ARMH1: variants seen among roughly 807,000 people sequenced by gnomAD.
ARMH1 encodes the protein armadillo like helical domain containing 1, also known as armadillo-like helical domain containing protein 1.
ARMH1 carries 34 observed loss-of-function variants against 50.2 expected under a neutral mutation model. The observed-to-expected ratio is 0.68, with a 90% CI of 0.51 to 0.90. The LOEUF (loss-of-function observed/expected upper bound fraction) is 0.90, where lower values mean the gene tolerates loss of function less well. Among genes scored for constraint, ARMH1 ranks in the 40% least tolerant of loss-of-function variants. ARMH1 has a pLI of 0.00. For synonymous variants in ARMH1, 221 were observed against 224.2 expected (o/e 0.99, Z 0.13); for missense variants, 538 against 553.9 (o/e 0.97, Z 0.29).
chr1:44,714,078 C>T (rs1175876145), intron 6 of ARMH1, among the ~76,000 whole-genome samples: 2 of 151,894 alleles, frequency 1.3e-5, no homozygotes, highest in African/African-American at 4.8e-5. Context: ...GACCATCTGG[C>T]TAACACGATG....
rs988776711 is a variant in ARMH1 at position 44,725,138 on chromosome 1, C to G, written c.1131C>G (p.Ser377Arg). 4 of 1,551,798 alleles carry G rather than the reference C, an allele frequency of 2.6e-6. No homozygotes were observed. Among genetic ancestry groups the G allele is most frequent in the Non-Finnish European group, 8.7e-7 (1 of 1,147,034 alleles). ...MGEELYQLFL[S>R]NAEDLYMKID... ...GTCCCCCTTGCTCCTGTCCTCAGAGCAACGCTGAGGACTTGTACATGAAAA... is the reference window on the plus strand; with the variant it reads ...GTCCCCCTTGCTCCTGTCCTCAGAGGAACGCTGAGGACTTGTACATGAAAA... Residue 377 changes from serine to arginine, a missense_variant and splice_region_variant, in exon 11 of 12, where the codon AGC becomes AGG. Transcript: ENST00000535358.
Position 44,724,617 on chromosome 1 carries a change from G to A in ARMH1, c.999G>A (p.Met333Ile). 2.6e-6 allele frequency: 4 copies of A among 1,513,950 alleles called. No homozygotes were observed. Among genetic ancestry groups the A allele is most frequent in the Non-Finnish European group, 3.5e-6 (4 of 1,134,432 alleles). 93.8% of individuals were successfully genotyped at this position (1,513,950 alleles called of 1,614,324 possible). ...LRVVRGLMAA[M>I]GNTDHSNSQR... ...TGGTGCGTGGCCTAATGGCCGCCAT[G>A]GGCAACACGGACCACAGCAACAGCC... is the stretch of plus-strand genomic sequence containing the variant. Residue 333 changes from methionine (M) to isoleucine (I), a missense_variant, in exon 9 of 12, where the codon ATG becomes ATA. Coordinates refer to ENST00000535358, the MANE Select transcript of ARMH1 (RefSeq NM_001145636.2). The surrounding 1 kb of genome is among the most constrained non-coding windows in gnomAD (Gnocchi z 6.4).
intron 1 of ARMH1, among the ~76,000 whole-genome samples, chr1:44,686,135 C>A (rs943136412): frequency 6.6e-6 from 1 of 152,064 alleles, no homozygotes; most frequent in Non-Finnish European, 1.5e-5. Flanking sequence ...AGCAACCAGT[C>A]TAAACTATAG....
chr1:44,723,074 C>CAA (rs35266270), intron 6 of ARMH1, among the ~76,000 whole-genome samples: 74 of 130,700 alleles, frequency 5.7e-4, no homozygotes, highest in East Asian at 4.6e-3. Context: ...GGCTCTGTCT[C>CAA]AAAAAAAAAA....
At position 44,697,132 on chromosome 1, in the gene ARMH1, T is replaced by G; in HGVS notation, c.237T>G (p.Leu79=). ...TYMTDSCLEK[L]LRSIGIFLSA... is the part of the protein sequence containing the mutation. ...TGACTGACTCATGTTTAGAAAAGCT[T>G]CTCAGGTCCATTGGCATCTTCTTAT... The change falls in exon 3 of 12, where the codon CTT becomes CTG. Residue 79 remains leucine (L), a synonymous_variant. Coordinates refer to ENST00000535358, the MANE Select transcript of ARMH1 (RefSeq NM_001145636.2). 1 of 1,552,188 alleles carries G rather than the reference T, an allele frequency of 6.4e-7. No homozygotes were observed. The highest frequency in any genetic ancestry group is 8.7e-7 in the Non-Finnish European group (1 of 1,147,024).
chr1:44,691,266 T>G (rs942852816), intron 2 of ARMH1, among the ~76,000 whole-genome samples: 4 of 151,840 alleles, frequency 2.6e-5, no homozygotes, highest in Non-Finnish European at 4.4e-5. Context: ...TCAAAACATT[T>G]TTTAAAAATT....
Position 44,724,737 on chromosome 1 carries a change from ACGCCGCCTCGCCCGCGCG to A in ARMH1, c.1051-24_1051-7del, listed in dbSNP as rs772621279. The A allele has an allele frequency of 5.3e-6, 8 of 1,516,564 alleles. No individual in the cohort carries two copies. In the South Asian group the frequency reaches 9.9e-5, roughly 19 times the overall value. 93.9% of individuals were successfully genotyped at this position (1,516,564 alleles called of 1,614,324 possible). ...CCGCAGCCCCGTCGCCCCCGCAGTC[ACGCCGCCTCGCCCGCGCG>A]GCGCAGTGCTTCGTGCAGATGTTCC... is the stretch of plus-strand genomic sequence containing the variant. On this transcript the variant is annotated splice_region_variant and splice_polypyrimidine_tract_variant and intron_variant, in intron 9 of 11. Coordinates refer to ENST00000535358, the MANE Select transcript of ARMH1 (RefSeq NM_001145636.2). The surrounding 1 kb of genome is among the most constrained non-coding windows in gnomAD (Gnocchi z 6.4).
intron 6 of ARMH1, among the ~76,000 whole-genome samples, chr1:44,709,137 C>G (rs1236102781): frequency 6.6e-6 from 1 of 152,124 alleles, no homozygotes; most frequent in Non-Finnish European, 1.5e-5. Context: ...GCTTTCGACC[C>G]AGTTGATCAC....
rs535279904 is a variant in ARMH1 at position 44,678,843 on chromosome 1, A to G, written c.-23+3970A>G. On this transcript the variant is annotated intron_variant, in intron 1 of 11. Transcript: ENST00000535358. ...GAAATTTTATTTAGAAACAAGACCT[A>G]TTGACCTCTTGATTTTTAATACCTC... Among the ~76,000 whole-genome samples the G allele has an allele frequency of 2.2e-4, 34 of 152,300 alleles. 1 individual carries two copies. In the South Asian group the frequency reaches 6.8e-3, roughly 31 times the overall value.
chr1:44,680,715 C>T (rs900481182), intron 1 of ARMH1, among the ~76,000 whole-genome samples: 8 of 152,088 alleles, frequency 5.3e-5, no homozygotes, highest in Non-Finnish European at 8.8e-5. Context: ...CTAGTGCCCA[C>T]GGAGAGGGTG....
At chr1:44,679,900 C>G (rs987499756) in intron 1 of ARMH1, among the ~76,000 whole-genome samples, 1 of 152,240 alleles carries the variant, frequency 6.6e-6, no homozygotes, top group East Asian at 1.9e-4. Context: ...CAGGGAAGAC[C>G]AACCCCTGCC....
At chr1:44,694,516 T>C (rs958322455) in intron 2 of ARMH1, among the ~76,000 whole-genome samples, 8 of 147,952 alleles carry the variant, frequency 5.4e-5, no homozygotes, top group African/African-American at 1.2e-4. Context: ...TTTCTTTTTT[T>C]TTTTTTTTTT....
intron 1 of ARMH1, chr1:44,689,323 A>T (rs1173814366): frequency 9.1e-6 from 2 of 220,936 alleles, no homozygotes; most frequent in African/African-American, 4.7e-5. Context: ...TGGGCCTTCC[A>T]AAGTGCTGGA....
intron 6 of ARMH1, among the ~76,000 whole-genome samples, chr1:44,720,152 G>A (rs1259858073): frequency 1.4e-5 from 2 of 145,546 alleles, no homozygotes; most frequent in Non-Finnish European, 3.0e-5. Flanking sequence ...AGCCAAGATC[G>A]TGCCATTGCA....
Position 44,724,885 on chromosome 1 carries a change from C to T in ARMH1, c.1128+46C>T, listed in dbSNP as rs1257630718. ...CCGCCGCAATGAGCAGATGGCGGCT[C>T]GGACAGTGTGATGCCCCTTCAGACA... On this transcript the variant is annotated intron_variant, in intron 10 of 11. Transcript: ENST00000535358. This position sits in a 1 kb window ranked among gnomAD's most constrained non-coding sequence, Gnocchi z 6.4. The T allele has an allele frequency of 2.0e-6, 3 of 1,529,706 alleles. No homozygotes were observed. The highest frequency in any genetic ancestry group is 2.6e-6 in the Non-Finnish European group (3 of 1,141,644). 94.8% of individuals were successfully genotyped at this position (1,529,706 alleles called of 1,614,324 possible). A position where few individuals can be genotyped will look rare whatever the true frequency, so the allele number is the denominator to read the frequency against.
At chr1:44,679,614 G>C (rs943641386) in intron 1 of ARMH1, among the ~76,000 whole-genome samples, 1 of 152,162 alleles carries the variant, frequency 6.6e-6, no homozygotes, top group Non-Finnish European at 1.5e-5. Flanking sequence ...CCTGTCCTTA[G>C]TGTCCAAAGA....
At position 44,724,054 on chromosome 1, in the gene ARMH1, G is replaced by A. The variant is rs1156937131; in HGVS notation, c.725-68G>A. 8 of 1,517,480 alleles carry A rather than the reference G, an allele frequency of 5.3e-6. No individual in the cohort carries two copies. The African/African-American group carries it at 6.9e-5, about 13-fold the overall frequency. The allele number at this position is 1,517,480 out of a possible 1,614,324, so 94.0% of individuals were successfully genotyped here. A position where few individuals can be genotyped will look rare whatever the true frequency, so the allele number is the denominator to read the frequency against. On this transcript the variant is annotated intron_variant, in intron 6 of 11. Transcript: ENST00000535358. This position sits in a 1 kb window ranked among gnomAD's most constrained non-coding sequence, Gnocchi z 6.4. ...ACTGACGAGTGGCGACTTGGTTCACGGGGTTCTTTGCTTCCTCGGTGGCGG... is the reference window on the plus strand; with the variant it reads ...ACTGACGAGTGGCGACTTGGTTCACAGGGTTCTTTGCTTCCTCGGTGGCGG...
intron 6 of ARMH1, among the ~76,000 whole-genome samples, chr1:44,714,384 G>A (rs754419837): frequency 2.0e-5 from 3 of 150,996 alleles, no homozygotes; most frequent in African/African-American, 4.9e-5. Context: ...TCGGAAGTTC[G>A]AGACCACCCT....
chr1:44,714,872 T>C (rs772430853), intron 6 of ARMH1, among the ~76,000 whole-genome samples: 9 of 152,082 alleles, frequency 5.9e-5, no homozygotes, highest in Non-Finnish European at 1.0e-4. Flanking sequence ...CTGATTTGAC[T>C]GTCCCCGGCC....
Sources: gnomAD v4.1 joint callset for allele counts (sites outside exome capture counted in the v4.1 genomes callset) on GRCh38, gnomAD v4.1.1 for gene constraint, Gnocchi (gnomAD v3.1) non-coding constraint, MANE v1.5 for transcripts, NCBI Gene and HGNC (gene_info 2026-07-23, HGNC 2026-07-21) for gene names.